Variants in ANKRD31 observed in about 807,000 individuals in gnomAD.
The protein encoded by ANKRD31 is ankyrin repeat domain-containing protein 31.
ANKRD31 carries 147 observed loss-of-function variants against 186.0 expected under a neutral mutation model. That is an observed-to-expected ratio of 0.79 (90% CI 0.69 to 0.91). The LOEUF is 0.91. ANKRD31 is among the 40% of genes least tolerant of loss of function. ANKRD31 has a pLI of 0.00. For missense variants in ANKRD31, 1,986 were observed against 2,148.8 expected (o/e 0.92, Z 1.50); for synonymous variants, 673 against 736.4 (o/e 0.91, Z 1.39).
intron 11 of ANKRD31, among the ~76,000 whole-genome samples, chr5:75,154,606 A>G (rs1351816882): frequency 6.6e-6 from 1 of 152,040 alleles, no homozygotes; most frequent in African/African-American, 2.4e-5. Flanking sequence ...AGGAGGGAAG[A>G]AAAGAAAGGG....
At chr5:75,193,127 G>A (rs537147528) in intron 8 of ANKRD31, among the ~76,000 whole-genome samples, 184 bp downstream of exon 8, 20 of 152,150 alleles carry the variant, frequency 1.3e-4, no homozygotes, top group African/African-American at 3.9e-4. Flanking sequence ...GGCTCTTTGC[G>A]AGGAAAAAGC....
At chr5:75,072,142 G>A (rs915206670) in intron 25 of ANKRD31, among the ~76,000 whole-genome samples, 18 of 152,150 alleles carry the variant, frequency 1.2e-4, no homozygotes, top group Admixed American at 6.5e-5. Context: ...AGGACTTTTG[G>A]CAGAGGCTAT....
intron 17 of ANKRD31, 133 bp downstream of exon 17, chr5:75,137,723 G>T: frequency 1.3e-6 from 1 of 744,140 alleles, no homozygotes; most frequent in Non-Finnish European, 1.9e-6. Flanking sequence ...ATCTTCATTT[G>T]TAATTTGAAG....
intron 10 of ANKRD31, among the ~76,000 whole-genome samples, chr5:75,170,055 T>A (rs1753207649): frequency 6.6e-6 from 1 of 152,102 alleles, no homozygotes; most frequent in Admixed American, 6.6e-5. Flanking sequence ...GACCCCAAAA[T>A]GGTAAATATA....
At chr5:75,115,145 C>T (rs1299658943) in intron 19 of ANKRD31, among the ~76,000 whole-genome samples, 3 of 150,726 alleles carry the variant, frequency 2.0e-5, no homozygotes, top group African/African-American at 7.3e-5. Context: ...CTGAGAAAAA[C>T]AAGCAATGGG....
At chr5:75,134,444 C>T (rs1202310821) in intron 17 of ANKRD31, among the ~76,000 whole-genome samples, 1 of 152,120 alleles carries the variant, frequency 6.6e-6, no homozygotes, top group Non-Finnish European at 1.5e-5. Context: ...GACACATACA[C>T]CCTCCCAAGA....
intron 22 of ANKRD31, among the ~76,000 whole-genome samples, chr5:75,094,599 A>G (rs1265076661): frequency 6.6e-6 from 1 of 152,164 alleles, no homozygotes; most frequent in Non-Finnish European, 1.5e-5. Flanking sequence ...TTGCAAAAGA[A>G]AGCAATAAAG....
intron 25 of ANKRD31, among the ~76,000 whole-genome samples, chr5:75,069,763 C>G (rs1341693803): frequency 6.6e-6 from 1 of 152,090 alleles, no homozygotes; most frequent in African/African-American, 2.4e-5. Context: ...TCAGGCTGGT[C>G]TCCAACTCCT....
At chr5:75,074,877 T>C (rs1293971487) in intron 25 of ANKRD31, among the ~76,000 whole-genome samples, 1 of 152,184 alleles carries the variant, frequency 6.6e-6, no homozygotes, top group Non-Finnish European at 1.5e-5. Flanking sequence ...TCAGCAAAGT[T>C]AGAGCTAAAG....
chr5:75,115,394 C>G (rs1008965230), intron 19 of ANKRD31, among the ~76,000 whole-genome samples: 1 of 152,114 alleles, frequency 6.6e-6, no homozygotes. Context: ...CAACAAAAGC[C>G]GAAATAGACA....
intron 22 of ANKRD31, among the ~76,000 whole-genome samples, chr5:75,100,420 C>T (rs1286037088): frequency 2.0e-5 from 3 of 152,132 alleles, no homozygotes; most frequent in East Asian, 1.9e-4. Flanking sequence ...GTGGAGAGTT[C>T]TGTAGATGCC....
Position 75,148,633 on chromosome 5 carries a change from A to C in ANKRD31, c.1853-5T>G, listed in dbSNP as rs770168997. On this transcript the variant is annotated splice_region_variant and splice_polypyrimidine_tract_variant and intron_variant, in intron 12 of 25. Coordinates refer to ENST00000506364, the MANE Select transcript of ANKRD31 (RefSeq NM_001372053.1). ...GGTCAATGCTACTCCTTTGAGCTGT[A>C]AACAAAAAGAGAAAATCAATGAAAA... 324 of 1,518,090 alleles carry C rather than the reference A, an allele frequency of 2.1e-4. 1 individual carries two copies. The highest frequency in any genetic ancestry group is 4.7e-4 in the Admixed American group (23 of 49,016). The allele number at this position is 1,518,090 out of a possible 1,614,324, so 94.0% of individuals were successfully genotyped here.
chr5:75,074,594 T>C (rs1195886967), intron 25 of ANKRD31, among the ~76,000 whole-genome samples: 1 of 152,200 alleles, frequency 6.6e-6, no homozygotes, highest in Admixed American at 6.5e-5. Flanking sequence ...CTGAGCCAAA[T>C]AGGCTAATCC....
chr5:75,170,420 T>C (rs957096104), intron 10 of ANKRD31, among the ~76,000 whole-genome samples: 2 of 152,136 alleles, frequency 1.3e-5, no homozygotes, highest in African/African-American at 4.8e-5. Context: ...TGACTAATCA[T>C]GCTAATTTTC....
intron 5 of ANKRD31, among the ~76,000 whole-genome samples, chr5:75,201,227 T>C (rs185441658): frequency 3.3e-5 from 5 of 152,290 alleles, no homozygotes; most frequent in South Asian, 2.1e-4. Context: ...TAAAAAGCTA[T>C]GAAAATCAGT....
intron 21 of ANKRD31, among the ~76,000 whole-genome samples, 179 bp from the exon 22 acceptor site, chr5:75,105,397 C>T (rs993736173): frequency 6.6e-6 from 1 of 151,148 alleles, no homozygotes; most frequent in Non-Finnish European, 1.5e-5. Context: ...AGCCTGTTGA[C>T]GCAAAATATT....
At chr5:75,099,444 A>G (rs1338344992) in intron 22 of ANKRD31, among the ~76,000 whole-genome samples, 1 of 152,220 alleles carries the variant, frequency 6.6e-6, no homozygotes, top group Admixed American at 6.5e-5. Context: ...TGCTGGCCTC[A>G]TCAAATGAGT....
At chr5:75,177,339 T>C (rs1042394077) in intron 10 of ANKRD31, among the ~76,000 whole-genome samples, 3 of 152,026 alleles carry the variant, frequency 2.0e-5, no homozygotes, top group Admixed American at 6.6e-5. Context: ...ACTTCCCCAA[T>C]CTAGCAAGGT....
chr5:75,098,123 G>C (rs528911920), intron 22 of ANKRD31, among the ~76,000 whole-genome samples: 15 of 151,916 alleles, frequency 9.9e-5, no homozygotes, highest in Admixed American at 2.6e-4. Flanking sequence ...CTCCCGAGTA[G>C]CTGGGACTAC....
Sources: gnomAD v4.1 joint callset for allele counts (sites outside exome capture counted in the v4.1 genomes callset) on GRCh38, gnomAD v4.1.1 for gene constraint, MANE v1.5 for transcripts, NCBI Gene and HGNC (gene_info 2026-07-23, HGNC 2026-07-21) for gene names.